FRY: variants seen among roughly 807,000 people sequenced by gnomAD.
FRY encodes protein furry homolog.
In FRY, 128 loss-of-function variants were observed where a neutral mutation model predicts 348.4. The ratio of observed to expected loss-of-function variants is 0.37; its 90% CI spans 0.32 to 0.43. The LOEUF is 0.43. Among genes scored for constraint, FRY ranks in the 20% least tolerant of loss-of-function variants. The pLI is 1.00. For missense variants in FRY, 2,736 were observed against 3,695.2 expected (o/e 0.74, Z 6.73); for synonymous variants, 1,370 against 1,374.7 (o/e 1.00, Z 0.08).
intron 2 of FRY, among the ~76,000 whole-genome samples, chr13:32,087,476 C>T (rs950801657): frequency 6.6e-6 from 1 of 152,172 alleles, no homozygotes; most frequent in Non-Finnish European, 1.5e-5. Flanking sequence ...TGGTGGCCCA[C>T]CACCAACAGA....
intron 3 of FRY, among the ~76,000 whole-genome samples, chr13:32,110,105 G>A (rs1296753927): frequency 6.6e-6 from 1 of 152,238 alleles, no homozygotes; most frequent in Non-Finnish European, 1.5e-5. Context: ...ATTCATGGAT[G>A]TGTAGAGTGC....
intron 11 of FRY, among the ~76,000 whole-genome samples, chr13:32,137,581 C>A (rs908010281): frequency 6.6e-6 from 1 of 152,214 alleles, no homozygotes; most frequent in Admixed American, 6.5e-5. Context: ...TACACAGGTG[C>A]TGGGTCTTTA....
Position 32,103,522 on chromosome 13 carries a change from G to A in FRY, c.324+1506G>A, listed in dbSNP as rs148650626. ...GGCCTGTCGTCGGGTGGAGGGAAGC[G>A]GGAGGGATAGCATTAGGAGATATAC... is the stretch of plus-strand genomic sequence containing the variant. On this transcript the variant is annotated intron_variant, in intron 3 of 60. Coordinates refer to ENST00000542859, the MANE Select transcript of FRY (RefSeq NM_023037.3). 3.9e-3 allele frequency among the ~76,000 whole-genome samples: 587 copies of A among 152,284 alleles called. 2 individuals carry two copies. The highest frequency in any genetic ancestry group is 0.013 in the African/African-American group (552 of 41,556).
intron 53 of FRY, among the ~76,000 whole-genome samples, chr13:32,263,603 C>T (rs1887780784): frequency 6.6e-6 from 1 of 152,124 alleles, no homozygotes; most frequent in African/African-American, 2.4e-5. Flanking sequence ...AATTAAATTT[C>T]ATAGAAAAAA....
chr13:32,069,099 T>G (rs1184523991), intron 1 of FRY, among the ~76,000 whole-genome samples: 1 of 152,040 alleles, frequency 6.6e-6, no homozygotes, highest in East Asian at 1.9e-4. Flanking sequence ...GTATTTTTAG[T>G]AGAGACGGGG....
At chr13:32,220,582 G>C (rs924458379) in intron 36 of FRY, among the ~76,000 whole-genome samples, 1 of 152,224 alleles carries the variant, frequency 6.6e-6, no homozygotes, top group Non-Finnish European at 1.5e-5. Context: ...GAAATGGAGA[G>C]TTGGTTCAAG....
intron 7 of FRY, among the ~76,000 whole-genome samples, chr13:32,128,508 C>T (rs1259736647): frequency 5.3e-5 from 8 of 152,170 alleles, no homozygotes; most frequent in Non-Finnish European, 7.3e-5. Context: ...CCTAATTAAA[C>T]TATAAACTAT....
intron 46 of FRY, among the ~76,000 whole-genome samples, chr13:32,242,428 C>A (rs1377372048): frequency 1.3e-5 from 2 of 152,068 alleles, no homozygotes; most frequent in Non-Finnish European, 2.9e-5. Context: ...TTTAATTTAA[C>A]ACTTTTTATT....
chr13:32,151,515 C>T (rs968462372), intron 14 of FRY, among the ~76,000 whole-genome samples: 4 of 152,166 alleles, frequency 2.6e-5, no homozygotes, highest in Admixed American at 1.3e-4. Flanking sequence ...CATTGTTTCT[C>T]GGGAAACAAG....
intron 1 of FRY, among the ~76,000 whole-genome samples, chr13:32,064,092 C>T (rs750383587): frequency 3.3e-5 from 5 of 152,066 alleles, no homozygotes; most frequent in Admixed American, 6.6e-5. Context: ...ATAGGAAATG[C>T]GTATATAATA....
intron 1 of FRY, among the ~76,000 whole-genome samples, chr13:32,053,952 T>C (rs1333254218): frequency 6.6e-6 from 1 of 152,066 alleles, no homozygotes; most frequent in Non-Finnish European, 1.5e-5. Context: ...ATCACACCGC[T>C]GCATTCCAGC....
At chr13:32,275,682 A>G (rs1432186338) in intron 56 of FRY, among the ~76,000 whole-genome samples, 2 of 152,182 alleles carry the variant, frequency 1.3e-5, no homozygotes, top group African/African-American at 4.8e-5. Context: ...CAGAGGCAAC[A>G]TGTCAATCAG....
At chr13:32,174,070 G>A (rs1244385162) in intron 19 of FRY, among the ~76,000 whole-genome samples, 1 of 152,208 alleles carries the variant, frequency 6.6e-6, no homozygotes, top group African/African-American at 2.4e-5. Context: ...CCCACATTTG[G>A]CTAAATGCCA....
intron 4 of FRY, among the ~76,000 whole-genome samples, chr13:32,117,729 C>T (rs1278687344): frequency 6.6e-6 from 1 of 152,178 alleles, no homozygotes; most frequent in Non-Finnish European, 1.5e-5. Flanking sequence ...CCACAGGTCA[C>T]TTTCTTGCCA....
intron 7 of FRY, among the ~76,000 whole-genome samples, chr13:32,129,080 G>T (rs1007010171): frequency 2.0e-5 from 3 of 152,146 alleles, no homozygotes; most frequent in Non-Finnish European, 4.4e-5. Flanking sequence ...CTCTGTGTGT[G>T]TGTCTCTACT....
chr13:32,037,199 T>TATAGACATTC (rs1004349235), intron 1 of FRY, among the ~76,000 whole-genome samples: 3 of 152,210 alleles, frequency 2.0e-5, no homozygotes, highest in Non-Finnish European at 2.9e-5. Context: ...ATTAAATGTA[T>TATAGACATTC]ATAGACATTC....
At chr13:32,057,876 C>T (rs1020138430) in intron 1 of FRY, among the ~76,000 whole-genome samples, 10 of 152,120 alleles carry the variant, frequency 6.6e-5, no homozygotes, top group South Asian at 6.2e-4. Context: ...AGGAGAATGG[C>T]GTGAACCCGG....
At chr13:32,162,300 C>A (rs1458720047) in intron 17 of FRY, among the ~76,000 whole-genome samples, 1 of 152,156 alleles carries the variant, frequency 6.6e-6, no homozygotes, top group East Asian at 1.9e-4. Flanking sequence ...TGATGCATTA[C>A]ACATAGCCTG....
At chr13:32,099,542 G>A (rs1203396570) in intron 2 of FRY, among the ~76,000 whole-genome samples, 1 of 151,958 alleles carries the variant, frequency 6.6e-6, no homozygotes, top group Non-Finnish European at 1.5e-5. Context: ...AAAGAAATAC[G>A]ATTTTGAAAA....
Sources: gnomAD v4.1 joint callset for allele counts (sites outside exome capture counted in the v4.1 genomes callset) on GRCh38, gnomAD v4.1.1 for gene constraint, MANE v1.5 for transcripts, NCBI Gene and HGNC (gene_info 2026-07-23, HGNC 2026-07-21) for gene names.